The following DMD variants were observed in gnomAD, a reference collection of about 807,000 sequenced individuals.
DMD encodes mutant dystrophin.
DMD carries 63 observed loss-of-function variants against 330.1 expected under a neutral mutation model. That is an observed-to-expected ratio of 0.19 (90% CI 0.16 to 0.24). DMD has a LOEUF of 0.24. DMD is among the 10% of genes least tolerant of loss of function. The pLI, the probability that DMD is intolerant of heterozygous loss-of-function variation, is 1.00. For synonymous variants in DMD, 1,223 were observed against 959.8 expected (o/e 1.27, Z -5.07); for missense variants, 3,344 against 2,684.1 (o/e 1.25, Z -5.43).
At chrX:31,651,076 T>C (rs946623232) in intron 54 of DMD, among the ~76,000 whole-genome samples, 6 of 112,316 alleles carry the variant, frequency 5.3e-5, no homozygotes, top group African/African-American at 1.6e-4. Flanking sequence ...GCCAGTTTAA[T>C]ACATGTGTCA....
At chrX:31,959,165 G>A (rs186889622) in intron 45 of DMD, among the ~76,000 whole-genome samples, 2 of 111,595 alleles carry the variant, frequency 1.8e-5, no homozygotes, top group Non-Finnish European at 3.8e-5. Context: ...CCTGCCACTA[G>A]TTTCACTCTC....
intron 49 of DMD, among the ~76,000 whole-genome samples, chrX:31,826,070 T>C (rs1400520231): frequency 1.8e-5 from 2 of 112,336 alleles, no homozygotes; most frequent in African/African-American, 6.5e-5. Context: ...TTCAGTGCTT[T>C]ATTAAAGGAC....
At chrX:31,477,312 T>C (rs987469199) in intron 59 of DMD, among the ~76,000 whole-genome samples, 1 of 111,549 alleles carries the variant, frequency 9.0e-6, no homozygotes, top group Non-Finnish European at 1.9e-5. Flanking sequence ...AACAGTTCCA[T>C]GAAAGCCAAG....
At chrX:31,129,761 TACAGGAA>T (rs1322596763) in intron 77 of DMD, among the ~76,000 whole-genome samples, 1 of 112,223 alleles carries the variant, frequency 8.9e-6, no homozygotes, top group Non-Finnish European at 1.9e-5. Context: ...TGTGGGAGCA[TACAGGAA>T]ACAGAATGGT....
At chrX:32,948,423 T>C (rs1186869264) in intron 2 of DMD, among the ~76,000 whole-genome samples, 2 of 111,724 alleles carry the variant, frequency 1.8e-5, no homozygotes, top group East Asian at 2.8e-4. Flanking sequence ...AAGTGGAGCT[T>C]TAGTTTGATG....
chrX:31,435,416 AAATT>A (rs1195013307), intron 60 of DMD: 1 of 111,931 alleles, frequency 8.9e-6, no homozygotes, highest in Non-Finnish European at 1.9e-5. Flanking sequence ...CTCCTTTAGT[AAATT>A]AATTAATATA....
chrX:31,165,067 T>C (rs2039270990), intron 74 of DMD, among the ~76,000 whole-genome samples: 1 of 111,693 alleles, frequency 9.0e-6, no homozygotes, highest in Admixed American at 9.5e-5. Flanking sequence ...TGAAAGAACA[T>C]TGAATAAAGA....
At chrX:32,775,035 CAAAGT>C (rs1284527687) in intron 7 of DMD, among the ~76,000 whole-genome samples, 1 of 112,112 alleles carries the variant, frequency 8.9e-6, no homozygotes, top group African/African-American at 3.2e-5. Flanking sequence ...CTGGTCAAAG[CAAAGT>C]AGACACAGGT....
At position 32,702,902 on chromosome X, in the gene DMD, G is replaced by T. The variant is rs375278661; in HGVS notation, c.650-3609C>A. 2.0e-4 allele frequency among the ~76,000 whole-genome samples: 22 copies of T among 111,466 alleles called. 2 individuals are homozygous for T. The highest frequency in any genetic ancestry group is 1.7e-3 in the Admixed American group (18 of 10,461). ...ATTAATAAACTGACAATAAAACAAA[G>T]GAGGAAGAGGACGAAAGAGGACACT... On this transcript the variant is annotated intron_variant, in intron 7 of 78. Transcript: ENST00000357033.
chrX:31,939,671 A>G (rs75264550), intron 45 of DMD, among the ~76,000 whole-genome samples: 55 of 111,732 alleles, frequency 4.9e-4, no homozygotes, highest in Non-Finnish European at 9.0e-4. Context: ...CTCAAAAAAA[A>G]TGGTAGAGAA....
At chrX:32,167,164 G>T (rs974504541) in intron 44 of DMD, among the ~76,000 whole-genome samples, 1 of 111,989 alleles carries the variant, frequency 8.9e-6, no homozygotes, top group Non-Finnish European at 1.9e-5. Flanking sequence ...GGAATTCAAT[G>T]TGGTTACATT....
intron 13 of DMD, among the ~76,000 whole-genome samples, chrX:32,583,199 A>G (rs1189584218): frequency 3.6e-5 from 4 of 111,717 alleles, no homozygotes; most frequent in Non-Finnish European, 7.5e-5. Flanking sequence ...TTCTTTTACA[A>G]TATTACCAGA....
chrX:31,708,787 G>A (rs1479003662), intron 52 of DMD, among the ~76,000 whole-genome samples: 1 of 111,836 alleles, frequency 8.9e-6, no homozygotes, highest in Non-Finnish European at 1.9e-5. Context: ...TTAAATGATA[G>A]ACACTAAAGT....
intron 61 of DMD, among the ~76,000 whole-genome samples, chrX:31,325,718 G>A (rs887574629): frequency 9.0e-6 from 1 of 111,533 alleles, no homozygotes; most frequent in African/African-American, 3.3e-5. Flanking sequence ...TCTATAGCAG[G>A]AAACATGGTG....
chrX:33,194,758 C>G (rs756236053), intron 1 of DMD, among the ~76,000 whole-genome samples: 1 of 111,083 alleles, frequency 9.0e-6, no homozygotes, highest in South Asian at 3.8e-4. Context: ...CATAAAATGC[C>G]TGTGCATACC....
At chrX:32,075,411 G>T (rs2078609735) in intron 44 of DMD, among the ~76,000 whole-genome samples, 1 of 111,913 alleles carries the variant, frequency 8.9e-6, no homozygotes, top group South Asian at 3.7e-4. Context: ...ACACATTTTC[G>T]TGCTTTCACT....
intron 53 of DMD, among the ~76,000 whole-genome samples, chrX:31,663,152 A>AT (rs1268222208): frequency 9.0e-6 from 1 of 111,692 alleles, no homozygotes; most frequent in Non-Finnish European, 1.9e-5. Flanking sequence ...CAAGATAATT[A>AT]TCCCCCTTCT....
At position 31,977,391 on chromosome X, in the gene DMD, G is replaced by C. The variant is rs757632438; in HGVS notation, c.6439-8877C>G. ...CCTACCACAAATAACAAGTTATTAA[G>C]GAAAGCTGTCGTTTCTCAGGCTCTT... On this transcript the variant is annotated intron_variant, in intron 44 of 78. Transcript: ENST00000357033. Among the ~76,000 whole-genome samples the C allele has an allele frequency of 1.1e-4, 12 of 111,347 alleles. No homozygotes were observed. In the East Asian group the frequency reaches 3.1e-3, roughly 29 times the overall value.
At position 32,485,055 on chromosome X, in the gene DMD, T is replaced by A. The variant is rs759593799; in HGVS notation, c.2667A>T (p.Arg889=). 7.0e-5 allele frequency: 85 copies of A among 1,209,818 alleles called. No homozygotes were observed. In the South Asian group the frequency reaches 1.3e-3, roughly 19 times the overall value. ...TCAGGGCTATGCTTTGAATTTTTAA[T>A]CGTTCAATTTGAGGTTGAAGATCTG... is the stretch of plus-strand genomic sequence containing the variant. ...RLSDLQPQIE[R]LKIQSIALKE... is the part of the protein sequence containing the mutation. The change falls in exon 21 of 79, where the codon CGA becomes CGT. Residue 889 remains arginine, a synonymous_variant. Transcript: ENST00000357033.
Sources: allele counts gnomAD v4.1 joint callset (sites outside exome capture counted in the v4.1 genomes callset), GRCh38; gene constraint gnomAD v4.1.1; transcripts MANE v1.5; gene names NCBI Gene and HGNC (gene_info 2026-07-23, HGNC 2026-07-21).